The following PARD3 variants were observed in gnomAD, a reference collection of about 807,000 sequenced individuals.
PARD3 encodes the protein partitioning defective 3 homolog.
PARD3 carries 75 observed loss-of-function variants against 155.4 expected under a neutral mutation model. The ratio of observed to expected loss-of-function variants is 0.48; its 90% CI spans 0.40 to 0.58. The LOEUF is 0.58. Among genes scored for constraint, PARD3 ranks in the 20% least tolerant of loss-of-function variants. The pLI, the probability that PARD3 is intolerant of heterozygous loss-of-function variation, is 0.00. For missense variants in PARD3, 1,642 were observed against 1,721.7 expected, an observed-to-expected ratio of 0.95 and a Z score of 0.82; for synonymous variants, 576 against 610.5, an observed-to-expected ratio of 0.94 and a Z score of 0.83.
intron 12 of PARD3, among the ~76,000 whole-genome samples, chr10:34,370,807 G>GGTGTGTGTGTGT (rs3040369): frequency 6.2e-5 from 9 of 145,568 alleles, no homozygotes; most frequent in African/African-American, 2.0e-4. Flanking sequence ...ATACAAATGG[G>GGTGTGTGTGTGT]GTGTGTGTGT....
intron 5 of PARD3, among the ~76,000 whole-genome samples, chr10:34,411,304 G>A (rs1248289406): frequency 6.6e-6 from 1 of 152,156 alleles, no homozygotes; most frequent in African/African-American, 2.4e-5. Context: ...AAGTATATAT[G>A]TCAACTTGAC....
At chr10:34,776,473 G>A (rs192426623) in intron 1 of PARD3, among the ~76,000 whole-genome samples, 1 of 152,098 alleles carries the variant, frequency 6.6e-6, no homozygotes, top group Admixed American at 6.5e-5. Context: ...CATGGCCAGG[G>A]AGGAAACAAA....
At chr10:34,245,822 T>C (rs1448908487) in intron 22 of PARD3, among the ~76,000 whole-genome samples, 1 of 152,048 alleles carries the variant, frequency 6.6e-6, no homozygotes, top group Admixed American at 6.5e-5. Flanking sequence ...CCCCGTTGAG[T>C]TCGTGATGCT....
chr10:34,344,078 G>A (rs543015649), intron 15 of PARD3: 1 of 954,074 alleles, frequency 1.0e-6, no homozygotes, highest in South Asian at 4.9e-5. Context: ...ACAAACTACT[G>A]AGATAAATTC....
chr10:34,231,431 C>T (rs1545214), intron 22 of PARD3, among the ~76,000 whole-genome samples: 1 of 151,784 alleles, frequency 6.6e-6, no homozygotes, highest in Non-Finnish European at 1.5e-5. Context: ...CTGTCTATGG[C>T]ATATTCCAAA....
At chr10:34,486,988 CTCT>C in intron 3 of PARD3, among the ~76,000 whole-genome samples, 1 of 152,078 alleles carries the variant, frequency 6.6e-6, no homozygotes, top group Non-Finnish European at 1.5e-5. Context: ...CCAAGTCATC[CTCT>C]ACAAAGCACT....
chr10:34,541,107 AT>A (rs1208925085), intron 2 of PARD3, among the ~76,000 whole-genome samples: 1 of 152,220 alleles, frequency 6.6e-6, no homozygotes. Flanking sequence ...AATATAGAAA[AT>A]TGTGACTGAT....
intron 2 of PARD3, among the ~76,000 whole-genome samples, chr10:34,665,879 A>ACCAGAAC (rs1564479812): frequency 3.3e-4 from 50 of 151,646 alleles, no homozygotes; most frequent in African/African-American, 1.2e-3. Context: ...ACAGAACAGA[A>ACCAGAAC]CAGAACAGAA....
chr10:34,192,857 T>C (rs936771141), intron 22 of PARD3, among the ~76,000 whole-genome samples: 1 of 152,190 alleles, frequency 6.6e-6, no homozygotes, highest in Non-Finnish European at 1.5e-5. Context: ...GATCCACACA[T>C]CCACCCACTC....
At chr10:34,745,547 T>C (rs1032547239) in intron 1 of PARD3, among the ~76,000 whole-genome samples, 4 of 152,036 alleles carry the variant, frequency 2.6e-5, no homozygotes, top group African/African-American at 9.7e-5. Context: ...AAGGCTAGGA[T>C]AAGAATCTAA....
At chr10:34,409,531 A>G (rs979255386) in intron 5 of PARD3, among the ~76,000 whole-genome samples, 1 of 152,222 alleles carries the variant, frequency 6.6e-6, no homozygotes, top group African/African-American at 2.4e-5. Context: ...ACCTGCCATC[A>G]TCTGCCGCAT....
At chr10:34,480,056 T>C (rs2078975913) in intron 3 of PARD3, among the ~76,000 whole-genome samples, 1 of 152,250 alleles carries the variant, frequency 6.6e-6, no homozygotes, top group Non-Finnish European at 1.5e-5. Flanking sequence ...GTCAATGCCC[T>C]GCTGCTGCAG....
chr10:34,295,576 C>G (rs1283002354), intron 20 of PARD3, among the ~76,000 whole-genome samples: 1 of 152,166 alleles, frequency 6.6e-6, no homozygotes, highest in African/African-American at 2.4e-5. Context: ...AATGCTTCAT[C>G]ATTGCCTTCA....
chr10:34,671,050 G>A lies in PARD3; in HGVS notation c.222+25268C>T, dbSNP rs182226493. ...GGTAGCATCTGGCTAGAGAGATGGC[G>A]GGCACCTGTCAATGGCTGCTCTTGC... On this transcript the variant is annotated intron_variant, in intron 2 of 24. Transcript: ENST00000374788. Among the ~76,000 whole-genome samples the A allele has an allele frequency of 2.2e-3, 332 of 152,300 alleles. 1 individual carries two copies. Among genetic ancestry groups the A allele is most frequent in the Middle Eastern group, 3.4e-3 (1 of 294 alleles).
chr10:34,591,580 C>T (rs2088684248), intron 2 of PARD3, among the ~76,000 whole-genome samples: 2 of 152,070 alleles, frequency 1.3e-5, no homozygotes. Context: ...CATGACTTGT[C>T]GATCAGGGGA....
At chr10:34,630,129 C>G (rs1300329347) in intron 2 of PARD3, among the ~76,000 whole-genome samples, 2 of 152,268 alleles carry the variant, frequency 1.3e-5, no homozygotes, top group East Asian at 1.9e-4. Flanking sequence ...ACCGACATAG[C>G]AATGGTACTC....
At chr10:34,303,162 A>ATT (rs5784409) in intron 20 of PARD3, among the ~76,000 whole-genome samples, 9,741 of 131,804 alleles carry the variant, frequency 0.074, 442 homozygotes, top group Non-Finnish European at 0.098. Flanking sequence ...GCCCAGGTGA[A>ATT]TTTTTTTTTT....
intron 1 of PARD3, among the ~76,000 whole-genome samples, chr10:34,783,345 C>T (rs549357296): frequency 1.3e-5 from 2 of 152,208 alleles, no homozygotes; most frequent in South Asian, 4.1e-4. Flanking sequence ...TGGCTCACGC[C>T]TGTAATCCCA....
At chr10:34,421,361 GTATT>G (rs936574451) in intron 5 of PARD3, among the ~76,000 whole-genome samples, 3 of 148,660 alleles carry the variant, frequency 2.0e-5, no homozygotes, top group Non-Finnish European at 3.0e-5. Context: ...AAATATAAAA[GTATT>G]TAATTATAAT....
Sources: allele counts gnomAD v4.1 joint callset (sites outside exome capture counted in the v4.1 genomes callset), GRCh38; gene constraint gnomAD v4.1.1; transcripts MANE v1.5; gene names NCBI Gene and HGNC (gene_info 2026-07-23, HGNC 2026-07-21).